Variants in STARD9 observed in about 807,000 individuals in gnomAD.
STARD9 encodes stAR-related lipid transfer protein 9.
Under a neutral mutation model 399.8 loss-of-function variants are expected in STARD9, and 346 were observed. The ratio of observed to expected loss-of-function variants is 0.87; its 90% CI spans 0.79 to 0.95. The LOEUF is 0.95. STARD9 is among the 40% of genes least tolerant of loss of function. The pLI, the probability that STARD9 is intolerant of heterozygous loss-of-function variation, is 0.00. For synonymous variants in STARD9, 2,203 were observed against 2,143.5 expected, an observed-to-expected ratio of 1.03 and a Z score of -0.77; for missense variants, 5,832 against 5,667.5, an observed-to-expected ratio of 1.03 and a Z score of -0.93.
intron 3 of STARD9, among the ~76,000 whole-genome samples, chr15:42,628,684 ACTGTCTTCTCCC>A (rs1313640448): frequency 6.6e-6 from 1 of 152,076 alleles, no homozygotes; most frequent in Non-Finnish European, 1.5e-5. Flanking sequence ...TGTTGAAGAG[ACTGTCTTCTCCC>A]CTGTGTATGT....
At chr15:42,578,651 CAAG>C (rs1241489719) in intron 1 of STARD9, among the ~76,000 whole-genome samples, 1 of 149,884 alleles carries the variant, frequency 6.7e-6, no homozygotes, top group Non-Finnish European at 1.5e-5. Context: ...AAAGTTTTTC[CAAG>C]AATATGTAAA....
In STARD9 at chr15:42,686,684, G is replaced by A. The variant is rs2060566523; in HGVS notation, c.5106G>A (p.Gln1702=). Residue 1702 remains glutamine (Q), a synonymous_variant, in exon 23 of 33, where the codon CAG becomes CAA. Coordinates refer to ENST00000290607, the MANE Select transcript of STARD9 (RefSeq NM_020759.3). ...YPLEEEKTDC[Q]ESSKEAVRRH... Reference sequence around the variant, plus strand: ...TAGAGGAAGAGAAGACAGATTGCCAGGAGAGCTCTAAGGAAGCAGTTAGAA... The same window carrying A: ...TAGAGGAAGAGAAGACAGATTGCCAAGAGAGCTCTAAGGAAGCAGTTAGAA... 1.3e-6 allele frequency: 2 copies of A among 1,537,744 alleles called. No individual in the cohort carries two copies. The highest frequency in any genetic ancestry group is 4.9e-5 in the East Asian group (2 of 40,922).
intron 3 of STARD9, among the ~76,000 whole-genome samples, chr15:42,634,555 A>T (rs890421968): frequency 4.6e-5 from 7 of 152,180 alleles, no homozygotes; most frequent in Non-Finnish European, 1.0e-4. Context: ...TTGCTTGCAT[A>T]TCTTTGCTCT....
At position 42,684,097 on chromosome 15, in the gene STARD9, G is replaced by A; in HGVS notation, c.2538-19G>A. 6.6e-7 allele frequency: 1 copy of A among 1,511,956 alleles called. No individual in the cohort carries two copies. The highest frequency in any genetic ancestry group is 8.8e-7 in the Non-Finnish European group (1 of 1,130,598). The allele number at this position is 1,511,956 out of a possible 1,614,324, so 93.7% of individuals were successfully genotyped here. A position where few individuals can be genotyped will look rare whatever the true frequency, so the allele number is the denominator to read the frequency against. On this transcript the variant is annotated intron_variant, in intron 22 of 32. Coordinates refer to ENST00000290607, the MANE Select transcript of STARD9 (RefSeq NM_020759.3). ...AGTACCTCTCACATCTTCTGAGATAGCTTTCCTTGTCTTCACAGCATTTTC... is the reference window on the plus strand; with the variant it reads ...AGTACCTCTCACATCTTCTGAGATAACTTTCCTTGTCTTCACAGCATTTTC...
rs968669920 is a variant in STARD9 at position 42,692,914 on chromosome 15, CA to C, written c.11337del (p.Val3781TyrfsTer39). On this transcript the variant is annotated frameshift_variant, in exon 23 of 33. Coordinates refer to ENST00000290607, the MANE Select transcript of STARD9 (RefSeq NM_020759.3). LOFTEE classifies it high-confidence loss of function. ...GTGTCTCAAGAAGAGGGAGATGTGCCAGGGGTACCTCAGAAGAGAGAGGCAG... is the reference window on the plus strand; with the variant it reads ...GTGTCTCAAGAAGAGGGAGATGTGCCGGGGTACCTCAGAAGAGAGAGGCAG... ...STVSQEEGDV[P>X]GVPQKREAEE... is the part of the protein sequence containing the mutation. 1 of 1,537,060 alleles carries C rather than the reference CA, an allele frequency of 6.5e-7. No individual in the cohort carries two copies. The highest frequency in any genetic ancestry group is 1.4e-5 in the African/African-American group (1 of 72,998).
chr15:42,581,560 T>TA, intron 1 of STARD9: 1 of 1,055,482 alleles, frequency 9.5e-7, no homozygotes, highest in Non-Finnish European at 1.4e-6. Context: ...CTCCAGCTCC[T>TA]AGGGCGGGTG....
intron 9 of STARD9, among the ~76,000 whole-genome samples, chr15:42,659,229 T>C (rs71474497): frequency 0.035 from 5,402 of 152,296 alleles, 174 homozygotes; most frequent in Non-Finnish European, 0.053. Flanking sequence ...AAGAACTCTC[T>C]AAACACCGTA....
chr15:42,664,684 T>C (rs898531013), intron 13 of STARD9, among the ~76,000 whole-genome samples: 1 of 152,162 alleles, frequency 6.6e-6, no homozygotes, highest in African/African-American at 2.4e-5. Flanking sequence ...TGTGTTTTTT[T>C]ATGCAAGTAG....
At chr15:42,580,599 A>C (rs1300874973) in intron 1 of STARD9, among the ~76,000 whole-genome samples, 4 of 152,124 alleles carry the variant, frequency 2.6e-5, no homozygotes, top group Non-Finnish European at 5.9e-5. Context: ...GAGGATCACA[A>C]GGTCAAGAGT....
intron 26 of STARD9, among the ~76,000 whole-genome samples, chr15:42,698,089 A>C (rs972648953): frequency 6.6e-6 from 1 of 152,150 alleles, no homozygotes; most frequent in Non-Finnish European, 1.5e-5. Context: ...GAACTTTCTC[A>C]TTTTGTTCAT....
chr15:42,686,100 C>A lies in STARD9; in HGVS notation c.4522C>A (p.Pro1508Thr). The change falls in exon 23 of 33, where the codon CCA becomes ACA. Residue 1508 changes from proline to threonine, a missense_variant. Pro to Thr is a conservative substitution (Grantham distance 38). Transcript: ENST00000290607. ...PVLEAIGAPKPAYPYLEEDSG... is the reference protein window; with the variant it reads ...PVLEAIGAPKTAYPYLEEDSG... ...TTTGGAGGCCATAGGAGCACCCAAG[C>A]CAGCTTACCCCTACCTTGAGGAAGA... 1 of 1,537,234 alleles carries A rather than the reference C, an allele frequency of 6.5e-7. No individual in the cohort carries two copies.
Position 42,693,357 on chromosome 15 carries a change from C to A in STARD9, c.11779C>A (p.Pro3927Thr), listed in dbSNP as rs1460360516. The A allele has an allele frequency of 1.1e-5, 17 of 1,537,184 alleles. No homozygotes were observed. The highest frequency in any genetic ancestry group is 1.5e-5 in the Non-Finnish European group (17 of 1,146,890). The change falls in exon 23 of 33, where the codon CCT becomes ACT. Residue 3927 changes from proline to threonine, a missense_variant. Pro to Thr is a conservative substitution (Grantham distance 38). Around this residue, in one of 2 missense-constraint regions of STARD9, gnomAD observed 5,828 missense variants for 5,651.1 expected, o/e 1.03. Coordinates refer to ENST00000290607, the MANE Select transcript of STARD9 (RefSeq NM_020759.3). The stretch of plus-strand genomic sequence containing the variant: ...GACCCTCTCAGCCCCTTCAACTCAC[C>A]CTGTTGAAGGCCACCAGAAGCTTGA... ...SLTLSAPSTHPVEGHQKLDSS... is the reference protein window; with the variant it reads ...SLTLSAPSTHTVEGHQKLDSS...
intron 15 of STARD9, among the ~76,000 whole-genome samples, chr15:42,666,977 C>T (rs1332350405): frequency 6.6e-6 from 1 of 151,424 alleles, no homozygotes; most frequent in Non-Finnish European, 1.5e-5. Context: ...ACCACACCTG[C>T]CTAATTTCTG....
At chr15:42,590,904 C>G (rs1292632703) in intron 3 of STARD9, among the ~76,000 whole-genome samples, 1 of 152,190 alleles carries the variant, frequency 6.6e-6, no homozygotes, top group Non-Finnish European at 1.5e-5. Flanking sequence ...CCAAACACTT[C>G]TCAGCAGGCC....
At chr15:42,575,813 G>A (rs2058040825) in intron 1 of STARD9, 51 bp downstream of exon 1, 2 of 1,519,084 alleles carry the variant, frequency 1.3e-6, no homozygotes, top group Admixed American at 3.9e-5. Context: ...GCTGAAAAGA[G>A]CGGGAGGTCC....
At chr15:42,662,747 A>G (rs1251045373) in intron 10 of STARD9, 47 bp from the exon 11 acceptor site, 8 of 1,210,976 alleles carry the variant, frequency 6.6e-6, no homozygotes, top group Non-Finnish European at 8.2e-6. Context: ...TTGTAAAGAT[A>G]GTGTCTTATT....
intron 3 of STARD9, among the ~76,000 whole-genome samples, chr15:42,599,708 C>T (rs1199500175): frequency 6.6e-6 from 1 of 152,120 alleles, no homozygotes; most frequent in Non-Finnish European, 1.5e-5. Flanking sequence ...GAACATGCCA[C>T]GTTTCCTAGC....
chr15:42,660,857 C>T (rs1429761027), intron 9 of STARD9, among the ~76,000 whole-genome samples: 1 of 151,974 alleles, frequency 6.6e-6, no homozygotes, highest in Non-Finnish European at 1.5e-5. Context: ...GTAAATTGTA[C>T]TGAAATTTCC....
intron 26 of STARD9, among the ~76,000 whole-genome samples, chr15:42,696,642 A>G (rs2060852874): frequency 6.6e-6 from 1 of 152,236 alleles, no homozygotes; most frequent in Non-Finnish European, 1.5e-5. Context: ...GAGACCTCCT[A>G]GATGACCACG....
Sources: gnomAD v4.1 joint callset for allele counts (sites outside exome capture counted in the v4.1 genomes callset) on GRCh38, gnomAD v4.1.1 for gene constraint, gnomAD v4.1.1 regional missense constraint, MANE v1.5 for transcripts, NCBI Gene and HGNC (gene_info 2026-07-23, HGNC 2026-07-21) for gene names.